ACIN1: variants seen among roughly 807,000 people sequenced by gnomAD.
ACIN1 encodes apoptotic chromatin condensation inducer in the nucleus.
ACIN1 carries 16 observed loss-of-function variants against 146.6 expected under a neutral mutation model. The ratio of observed to expected loss-of-function variants is 0.11; its 90% CI spans 0.07 to 0.17. ACIN1 has a LOEUF of 0.17. Among genes scored for constraint, ACIN1 ranks in the 10% least tolerant of loss-of-function variants. The pLI is 1.00. For synonymous variants in ACIN1, 569 were observed against 582.7 expected, an observed-to-expected ratio of 0.98 and a Z score of 0.34; for missense variants, 1,357 against 1,609.3, an observed-to-expected ratio of 0.84 and a Z score of 2.68.
chr14:23,076,701 T>C (rs1242455120), intron 8 of ACIN1, among the ~76,000 whole-genome samples: 3 of 152,148 alleles, frequency 2.0e-5, no homozygotes, highest in Admixed American at 6.5e-5. Context: ...AGGCTGTCAA[T>C]ACCCACTTCA....
At chr14:23,063,629 ATTCTT>A in intron 12 of ACIN1, 52 bp from the exon 13 acceptor site, 1 of 1,607,796 alleles carries the variant, frequency 6.2e-7, no homozygotes, top group Non-Finnish European at 8.5e-7. Flanking sequence ...AAACTGGCAT[ATTCTT>A]TTCAGCCTCT....
Position 23,064,227 on chromosome 14 carries a change from C to A in ACIN1, c.2473G>T (p.Gly825Trp). 1.2e-6 allele frequency: 2 copies of A among 1,614,150 alleles called. No individual in the cohort carries two copies. Among genetic ancestry groups the A allele is most frequent in the Non-Finnish European group, 1.7e-6 (2 of 1,180,048 alleles). The change falls in exon 12 of 19, where the codon GGG becomes TGG. Residue 825 changes from glycine to tryptophan, a missense_variant. Physicochemically the swap from Gly to Trp is radical, Grantham distance 184. This residue lies in a region of ACIN1 where 509 missense variants were observed against 719.6 expected (regional missense o/e 0.71). Coordinates refer to ENST00000605057, the MANE Select transcript of ACIN1 (RefSeq NM_001386863.1). Reference sequence around the variant, plus strand: ...TGAAGATCCACAACAGCCTCCTGCCCCGCCAGGGGTTTGATGTCGGGGATG... The same window carrying A: ...TGAAGATCCACAACAGCCTCCTGCCACGCCAGGGGTTTGATGTCGGGGATG... ...SLIPDIKPLA[G>W]QEAVVDLHAD...
chr14:23,069,815 A>G (rs1443373413), intron 8 of ACIN1, among the ~76,000 whole-genome samples, 198 bp from the exon 9 acceptor site: 1 of 152,200 alleles, frequency 6.6e-6, no homozygotes, highest in Non-Finnish European at 1.5e-5. Flanking sequence ...TTGGGGAAAG[A>G]GCGTGGATCA....
intron 8 of ACIN1, among the ~76,000 whole-genome samples, chr14:23,074,727 A>G (rs1393911755): frequency 6.6e-6 from 1 of 152,232 alleles, no homozygotes; most frequent in Non-Finnish European, 1.5e-5. Flanking sequence ...ATATCTACCC[A>G]TAAGTAAACA....
intron 4 of ACIN1, among the ~76,000 whole-genome samples, chr14:23,088,235 G>C (rs1012282583): frequency 1.3e-5 from 2 of 152,138 alleles, no homozygotes; most frequent in Admixed American, 6.6e-5. Context: ...AAAATCAAGG[G>C]GGAAAGGGCG....
chr14:23,063,137 A>G (rs1026742654), intron 13 of ACIN1, 63 bp from the exon 14 acceptor site: 25 of 1,495,716 alleles, frequency 1.7e-5, no homozygotes, highest in South Asian at 3.9e-5. Flanking sequence ...TTCACCCTCA[A>G]TGTAACTCTC....
At position 23,080,234 on chromosome 14, in the gene ACIN1, A is replaced by C. The variant is rs182755896; in HGVS notation, c.1101T>G (p.Ser367=). 6.8e-6 allele frequency: 11 copies of C among 1,613,696 alleles called. No individual in the cohort carries two copies. The highest frequency in any genetic ancestry group is 9.3e-6 in the Non-Finnish European group (11 of 1,179,698). Residue 367 remains serine (S), a synonymous_variant, in exon 6 of 19, where the codon TCT becomes TCG. Transcript: ENST00000605057. The part of the protein sequence containing the change: ...PPPLLTKEAS[S]PPPHPQLHSE... Reference sequence around the variant, plus strand: ...TATGGAGCTGTGGATGAGGTGGTGGAGAAGATGCTTCCTTTGTTAGTAAAG... The same window carrying C: ...TATGGAGCTGTGGATGAGGTGGTGGCGAAGATGCTTCCTTTGTTAGTAAAG...
At chr14:23,081,941 C>G (rs989107191) in intron 4 of ACIN1, 105 bp from the exon 5 acceptor site, 1 of 812,502 alleles carries the variant, frequency 1.2e-6, no homozygotes, top group Admixed American at 2.6e-5. Flanking sequence ...GCATATGAGC[C>G]TATCAAGACA....
intron 1 of ACIN1, 32 bp downstream of exon 1, chr14:23,094,943 C>T (rs1335459941): frequency 3.8e-5 from 60 of 1,559,470 alleles, no homozygotes; most frequent in Non-Finnish European, 5.0e-5. Context: ...GGTCCGCTCT[C>T]CTCCGACACC....
rs1024260988 is a variant in ACIN1 at position 23,068,488 on chromosome 14, CA to C, written c.2265+987del. On this transcript the variant is annotated intron_variant, in intron 9 of 18. Coordinates refer to ENST00000605057, the MANE Select transcript of ACIN1 (RefSeq NM_001386863.1). The surrounding 1 kb of genome is among the most constrained non-coding windows in gnomAD (Gnocchi z 4.3). ...CCCTGATGTAAGCAAGACAGGGAGG[CA>C]AAAGGGGGCCCATCACAGGAGCCCA... 2.6e-5 allele frequency: 26 copies of C among 985,752 alleles called. No homozygotes were observed. In the African/African-American group the frequency reaches 4.4e-4, roughly 17 times the overall value. The allele number at this position is 985,752 out of a possible 1,614,324, so 61.1% of individuals were successfully genotyped here.
At chr14:23,075,323 C>T (rs1473353897) in intron 8 of ACIN1, among the ~76,000 whole-genome samples, 14 of 133,348 alleles carry the variant, frequency 1.0e-4, no homozygotes, top group African/African-American at 2.9e-4. Context: ...CTTTCTTCCC[C>T]TTTTTTTTTT....
At position 23,059,236 on chromosome 14, in the gene ACIN1, C is replaced by A. The variant is rs1275899307; in HGVS notation, c.3764G>T (p.Gly1255Val). ...GGTGTCCCTGCGATCCCTTTCCCTG[C>A]CTCGTTCTCGGTCCCTTTCCCTATC... ...DRDRERDRER[G>V]RERDRRDTKR... Residue 1255 changes from glycine to valine, a missense_variant, in exon 19 of 19, where the codon GGC (glycine) becomes GTC (valine). Transcript: ENST00000605057. 5 of 1,613,920 alleles carry A rather than the reference C, an allele frequency of 3.1e-6. No individual in the cohort carries two copies. Among genetic ancestry groups the A allele is most frequent in the Non-Finnish European group, 4.2e-6 (5 of 1,179,914 alleles).
chr14:23,090,133 G>A, intron 3 of ACIN1, 32 bp from the exon 4 acceptor site: 1 of 1,604,886 alleles, frequency 6.2e-7, no homozygotes, highest in Non-Finnish European at 8.5e-7. Flanking sequence ...GGGGCAGGGA[G>A]GGAGTGAAGG....
chr14:23,071,550 A>T, intron 8 of ACIN1: 1 of 1,550,212 alleles, frequency 6.5e-7, no homozygotes, highest in Non-Finnish European at 8.7e-7. Context: ...CATGCAGGGG[A>T]GCCATCTTGC....
rs1360157055 is a variant in ACIN1 at position 23,078,131 on chromosome 14, G to T, written c.2123+20C>A. ...CACTCATAGTTCCCTGTTATACCCC[G>T]GTCGAGATATATCACTTACACAGTG... On this transcript the variant is annotated intron_variant, in intron 8 of 18. Coordinates refer to ENST00000605057, the MANE Select transcript of ACIN1 (RefSeq NM_001386863.1). 3 of 1,609,722 alleles carry T rather than the reference G, an allele frequency of 1.9e-6. No homozygotes were observed. Among genetic ancestry groups the T allele is most frequent in the Non-Finnish European group, 8.5e-7 (1 of 1,176,344 alleles).
chr14:23,081,217 G>C (rs556138577), intron 5 of ACIN1, among the ~76,000 whole-genome samples: 1 of 151,976 alleles, frequency 6.6e-6, no homozygotes, highest in East Asian at 1.9e-4. Flanking sequence ...CCTTTGTACA[G>C]TCATAATTAC....
intron 8 of ACIN1, among the ~76,000 whole-genome samples, chr14:23,074,447 C>T (rs1381330026): frequency 2.0e-5 from 3 of 151,906 alleles, no homozygotes; most frequent in Non-Finnish European, 4.4e-5. Flanking sequence ...CGTCTATAGT[C>T]CCAGATACTC....
intron 18 of ACIN1, 81 bp downstream of exon 18, chr14:23,061,003 T>C: frequency 1.5e-6 from 2 of 1,348,600 alleles, no homozygotes; most frequent in Non-Finnish European, 2.1e-6. Flanking sequence ...CGACTCACTC[T>C]CGCAGTCACA....
At chr14:23,066,245 G>A (rs1420742892) in intron 9 of ACIN1, 2 of 460,312 alleles carry the variant, frequency 4.3e-6, no homozygotes, top group Non-Finnish European at 7.8e-6. Flanking sequence ...ATCAGAGCAG[G>A]GAAAAGTCAT....
Sources: allele counts gnomAD v4.1 joint callset (sites outside exome capture counted in the v4.1 genomes callset), GRCh38; gene constraint gnomAD v4.1.1; regional missense constraint gnomAD v4.1.1; non-coding constraint Gnocchi (gnomAD v3.1); transcripts MANE v1.5; gene names NCBI Gene and HGNC (gene_info 2026-07-23, HGNC 2026-07-21).